The following KCTD1 variants were observed in gnomAD, a reference collection of about 807,000 sequenced individuals.
KCTD1 encodes potassium channel tetramerization domain containing 1, also known as BTB/POZ domain-containing protein KCTD1.
Under a neutral mutation model 66.0 loss-of-function variants are expected in KCTD1, and 24 were observed. The ratio of observed to expected loss-of-function variants is 0.36; its 90% confidence interval spans 0.26 to 0.51. The LOEUF is 0.51. Among genes scored for constraint, KCTD1 ranks in the 20% least tolerant of loss-of-function variants. The pLI, the probability that KCTD1 is intolerant of heterozygous loss-of-function variation, is 0.95. For synonymous variants in KCTD1, 511 were observed against 517.2 expected (o/e 0.99, Z 0.16); for missense variants, 943 against 1,205.2 (o/e 0.78, Z 3.22).
chr18:26,548,667 AATTGTC>A, upstream of KCTD1: 2 of 1,013,856 alleles, frequency 2.0e-6, no homozygotes, highest in Non-Finnish European at 2.4e-6. Flanking sequence ...GCCGCGCTCC[AATTGTC>A]ATTCCCGAGC....
chr18:26,476,233 C>G lies in KCTD1; in HGVS notation c.2133+282G>C, dbSNP rs1332358414. On this transcript the variant is annotated intron_variant, in intron 3 of 4. Coordinates refer to ENST00000580059, the MANE Select transcript of KCTD1 (RefSeq NM_001142730.3). The surrounding 1 kb of genome is among the most constrained non-coding windows in gnomAD (Gnocchi z 4.9). The stretch of plus-strand genomic sequence containing the variant: ...GGAGGTTTCCTTTTATTCTCTAGCT[C>G]TCTAAGACATATCAGAAATGAGCTT... 6.6e-6 allele frequency among the ~76,000 whole-genome samples: 1 copy of G among 152,204 alleles called. No individual in the cohort carries two copies. The highest frequency in any genetic ancestry group is 2.4e-5 in the African/African-American group (1 of 41,442).
chr18:26,501,350 A>G, intron 1 of KCTD1, 100 bp from the exon 2 acceptor site: 4 of 1,054,514 alleles, frequency 3.8e-6, no homozygotes, highest in Non-Finnish European at 5.4e-6. Context: ...AACGATACTC[A>G]TTCAGTAATA....
chr18:26,478,335 G>T (rs1322396078), intron 2 of KCTD1, among the ~76,000 whole-genome samples: 1 of 152,168 alleles, frequency 6.6e-6, no homozygotes, highest in African/African-American at 2.4e-5. Flanking sequence ...CAGCATTGGG[G>T]TATTTGTGCA....
At position 26,476,494 on chromosome 18, in the gene KCTD1, G is replaced by A. The variant is rs529074314; in HGVS notation, c.2133+21C>T. 8.8e-6 allele frequency: 14 copies of A among 1,594,218 alleles called. No individual in the cohort carries two copies. Among genetic ancestry groups the A allele is most frequent in the South Asian group, 1.2e-5 (1 of 86,460 alleles). ...AAAATCACATATTTATGCTATTGGT[G>A]ATTTAACATGGATCCCTCACCTTGA... On this transcript the variant is annotated intron_variant, in intron 3 of 4. Transcript: ENST00000580059. The surrounding 1 kb of genome is among the most constrained non-coding windows in gnomAD (Gnocchi z 4.9).
At chr18:26,640,553 A>C (rs753615975), upstream of KCTD1, among the ~76,000 whole-genome samples, 1 of 152,138 alleles carries the variant, frequency 6.6e-6, no homozygotes, top group Non-Finnish European at 1.5e-5. Context: ...ATGCATAGGC[A>C]CCATGATGCA....
intron 1 of KCTD1, among the ~76,000 whole-genome samples, chr18:26,587,997 T>C (rs1205878698): frequency 1.3e-5 from 2 of 152,214 alleles, no homozygotes; most frequent in Non-Finnish European, 2.9e-5. Flanking sequence ...AGCAGCAGGG[T>C]ATGAGACAAC....
Position 26,636,115 on chromosome 18 carries a change from G to A in KCTD1, c.-107+4196C>T, listed in dbSNP as rs531103889. 6.4e-4 allele frequency among the ~76,000 whole-genome samples: 97 copies of A among 152,198 alleles called. 1 individual carries two copies. Among genetic ancestry groups the A allele is most frequent in the African/African-American group, 2.2e-3 (92 of 41,536 alleles). On this transcript the variant is annotated intron_variant, in intron 1 of 5. Coordinates refer to the KCTD1 transcript ENST00000579973. ...CAGCAAGGGCCATTTGACGATTGGG[G>A]GTATCTAGATAATTTGTCCAGGAGG... is the stretch of plus-strand genomic sequence containing the variant.
At chr18:26,632,151 G>A (rs980680456), upstream of KCTD1, among the ~76,000 whole-genome samples, 1 of 151,868 alleles carries the variant, frequency 6.6e-6, no homozygotes, top group Non-Finnish European at 1.5e-5. Context: ...TTGGGAGGCC[G>A]AGGCGGGCAG....
intron 1 of KCTD1, among the ~76,000 whole-genome samples, chr18:26,512,248 C>T (rs1424398266): frequency 6.6e-6 from 1 of 151,852 alleles, no homozygotes; most frequent in Non-Finnish European, 1.5e-5. Flanking sequence ...GGACTACAGG[C>T]GCACACTGCC....
intron 1 of KCTD1, among the ~76,000 whole-genome samples, chr18:26,599,180 A>G (rs1986834606): frequency 6.6e-6 from 1 of 152,232 alleles, no homozygotes; most frequent in Admixed American, 6.5e-5. Context: ...TATAAATGGT[A>G]TAATGTATGA....
intron 1 of KCTD1, among the ~76,000 whole-genome samples, chr18:26,594,518 C>A (rs1016929282): frequency 6.6e-6 from 1 of 152,054 alleles, no homozygotes; most frequent in African/African-American, 2.4e-5. Flanking sequence ...GAAATTAAGA[C>A]AAAAATCACA....
chr18:26,580,374 T>C (rs1211587744), intron 1 of KCTD1, among the ~76,000 whole-genome samples: 2 of 152,062 alleles, frequency 1.3e-5, no homozygotes, highest in African/African-American at 2.4e-5. Flanking sequence ...CAGGGTGATA[T>C]AGGAGCTCAG....
upstream of KCTD1, among the ~76,000 whole-genome samples, chr18:26,551,209 C>T (rs1985555735): frequency 6.6e-6 from 1 of 152,188 alleles, no homozygotes; most frequent in Non-Finnish European, 1.5e-5. Flanking sequence ...TCCCAGTTGA[C>T]GTCAACTTAT....
chr18:26,569,285 G>T (rs775666507), intron 1 of KCTD1, among the ~76,000 whole-genome samples: 1 of 152,182 alleles, frequency 6.6e-6, no homozygotes, highest in Non-Finnish European at 1.5e-5. Flanking sequence ...ATTGAACCCT[G>T]TGCTTATATC....
chr18:26,593,526 AAGGAGAAGGAGGAGGAAGAAG>A (rs1986677676), intron 1 of KCTD1, among the ~76,000 whole-genome samples: 3 of 119,248 alleles, frequency 2.5e-5, no homozygotes, highest in African/African-American at 6.6e-5. Flanking sequence ...GGAAGAAGAC[AAGGAGAAGGAGGAGGAAGAAG>A]ACGAGGAGGA....
chr18:26,605,738 ATC>A (rs2144980656), intron 1 of KCTD1, among the ~76,000 whole-genome samples: 1 of 137,234 alleles, frequency 7.3e-6, no homozygotes, highest in African/African-American at 2.8e-5. Flanking sequence ...CTATCTATCT[ATC>A]TATCTATCTA....
chr18:26,651,799 A>AAAAAAAGAAGAAG lies in KCTD1; in HGVS notation c.9+5560_9+5561insCTTCTTCTTTTTT, dbSNP rs764181233. Among the ~76,000 whole-genome samples, 252 of 117,116 alleles carry AAAAAAAGAAGAAG rather than the reference A, an allele frequency of 2.2e-3. 1 individual carries two copies. Among genetic ancestry groups the AAAAAAAGAAGAAG allele is most frequent in the African/African-American group, 8.4e-3 (237 of 28,058 alleles). 76.8% of individuals were successfully genotyped at this position (117,116 alleles called of 152,430 possible). A position where few individuals can be genotyped will look rare whatever the true frequency, so the allele number is the denominator to read the frequency against. On this transcript the variant is annotated intron_variant, in intron 1 of 4. Coordinates refer to the KCTD1 transcript ENST00000580191. ...ACTCGGTCTCAAAAAAAAAAAAAAA[A>AAAAAAAGAAGAAG]AAGAAGAAGAAGAAGAAGAAGAAGG...
At chr18:26,550,670 G>C (rs1257420035), upstream of KCTD1, among the ~76,000 whole-genome samples, 3 of 152,138 alleles carry the variant, frequency 2.0e-5, no homozygotes, top group African/African-American at 7.2e-5. The surrounding 1 kb of genome is among the most constrained non-coding windows in gnomAD (Gnocchi z 5.4). Flanking sequence ...GGTGCGGCGC[G>C]GGAGGTGGCC....
intron 2 of KCTD1, among the ~76,000 whole-genome samples, chr18:26,480,345 A>G (rs1441130380): frequency 6.6e-6 from 1 of 152,136 alleles, no homozygotes. Flanking sequence ...AATCTCAAAC[A>G]CTGTATTATT....
Sources: gnomAD v4.1 joint callset for allele counts (sites outside exome capture counted in the v4.1 genomes callset) on GRCh38, gnomAD v4.1.1 for gene constraint, Gnocchi (gnomAD v3.1) non-coding constraint, MANE v1.5 for transcripts, NCBI Gene and HGNC (gene_info 2026-07-23, HGNC 2026-07-21) for gene names.